The following ROR1 variants were observed in gnomAD, a reference collection of about 807,000 sequenced individuals.
ROR1 encodes the protein inactive tyrosine-protein kinase transmembrane receptor ROR1.
Under a neutral mutation model 78.8 loss-of-function variants are expected in ROR1, and 19 were observed. The observed-to-expected ratio is 0.24, with a 90% CI of 0.17 to 0.35. The LOEUF is 0.35. Among genes scored for constraint, ROR1 ranks in the 10% least tolerant of loss-of-function variants. ROR1 has a pLI of 1.00. For missense variants in ROR1, 917 were observed against 1,177.8 expected (o/e 0.78, Z 3.24); for synonymous variants, 386 against 433.6 (o/e 0.89, Z 1.36).
chr1:64,174,860 C>T (rs1328002882), intron 8 of ROR1, among the ~76,000 whole-genome samples: 1 of 152,142 alleles, frequency 6.6e-6, no homozygotes, highest in Non-Finnish European at 1.5e-5. Context: ...TTACCTTTCT[C>T]ATCACCCACA....
At chr1:64,075,766 A>G (rs1260770) in intron 4 of ROR1, among the ~76,000 whole-genome samples, 78,213 of 152,108 alleles carry the variant, frequency 0.51, 23,565 homozygotes, top group African/African-American at 0.84. Flanking sequence ...AAGTAATGCT[A>G]CACTCCACAC....
At chr1:63,811,888 T>C (rs1390497146) in intron 1 of ROR1, among the ~76,000 whole-genome samples, 2 of 152,040 alleles carry the variant, frequency 1.3e-5, no homozygotes, top group African/African-American at 2.4e-5. Flanking sequence ...CTTTGGGCTC[T>C]ATGTCCTTAG....
At chr1:63,805,873 G>A (rs1245058099) in intron 1 of ROR1, among the ~76,000 whole-genome samples, 2 of 152,138 alleles carry the variant, frequency 1.3e-5, no homozygotes, top group Non-Finnish European at 2.9e-5. Flanking sequence ...TAAAAAATTA[G>A]CCTGGTGCAG....
intron 1 of ROR1, among the ~76,000 whole-genome samples, chr1:63,826,073 A>G (rs1208404011): frequency 6.6e-6 from 1 of 152,196 alleles, no homozygotes; most frequent in Non-Finnish European, 1.5e-5. Flanking sequence ...GTAGGAGGCC[A>G]GGCACTGATT....
Position 64,140,309 on chromosome 1 carries a change from C to G in ROR1, c.811C>G (p.Pro271Ala). 6.2e-7 allele frequency: 1 copy of G among 1,614,112 alleles called. No homozygotes were observed. Among genetic ancestry groups the G allele is most frequent in the South Asian group, 1.1e-5 (1 of 91,066 alleles). Reference sequence around the variant, plus strand: ...AGAGTACATTTTTGCAAGATCAAATCCCATGATTCTGATGAGGCTGAAACT... The same window carrying G: ...AGAGTACATTTTTGCAAGATCAAATGCCATGATTCTGATGAGGCTGAAACT... ...QTEYIFARSNPMILMRLKLPN... is the reference protein window; with the variant it reads ...QTEYIFARSNAMILMRLKLPN... Residue 271 changes from proline to alanine, a missense_variant, in exon 6 of 9, where the codon CCC (proline) becomes GCC (alanine). Around this residue, in one of 3 missense-constraint regions of ROR1, gnomAD observed 835 missense variants for 1,069.8 expected, o/e 0.78. Transcript: ENST00000371079.
chr1:64,142,982 TG>T (rs775163994), intron 7 of ROR1: 39 of 1,109,954 alleles, frequency 3.5e-5, no homozygotes, highest in Non-Finnish European at 4.1e-5. Flanking sequence ...TGCGTCCAAG[TG>T]GACCTTTTCA....
At chr1:63,958,917 C>T (rs961402322) in intron 1 of ROR1, among the ~76,000 whole-genome samples, 4 of 152,172 alleles carry the variant, frequency 2.6e-5, no homozygotes, top group African/African-American at 9.7e-5. Context: ...ATGCCCACAT[C>T]TACCTGTACC....
At chr1:64,021,970 T>C (rs926641723) in intron 2 of ROR1, among the ~76,000 whole-genome samples, 1 of 152,154 alleles carries the variant, frequency 6.6e-6, no homozygotes, top group African/African-American at 2.4e-5. Context: ...TTACTCACAA[T>C]AGCCAAAAGA....
intron 2 of ROR1, among the ~76,000 whole-genome samples, chr1:64,022,792 G>A (rs915719150): frequency 6.6e-6 from 1 of 152,190 alleles, no homozygotes; most frequent in African/African-American, 2.4e-5. Flanking sequence ...AATTATCTCT[G>A]CTTACCAAGC....
intron 1 of ROR1, among the ~76,000 whole-genome samples, chr1:63,844,653 C>T (rs1290190550): frequency 6.6e-6 from 1 of 152,092 alleles, no homozygotes; most frequent in African/African-American, 2.4e-5. Context: ...CTGGGTAAAG[C>T]TGGGGCTGAG....
intron 1 of ROR1, among the ~76,000 whole-genome samples, chr1:63,828,281 A>G (rs1644967286): frequency 6.6e-6 from 1 of 152,346 alleles, no homozygotes; most frequent in East Asian, 1.9e-4. Context: ...AGAGCTGGGA[A>G]GCTTATAAAT....
At chr1:63,852,277 A>G (rs1422982281) in intron 1 of ROR1, among the ~76,000 whole-genome samples, 2 of 152,304 alleles carry the variant, frequency 1.3e-5, no homozygotes, top group East Asian at 3.9e-4. Context: ...GCCGGGGCAT[A>G]CATGTATGTG....
At chr1:63,883,915 G>T (rs1297448704) in intron 1 of ROR1, among the ~76,000 whole-genome samples, 4 of 152,192 alleles carry the variant, frequency 2.6e-5, no homozygotes, top group African/African-American at 9.6e-5. Flanking sequence ...AGAACACAGT[G>T]CATGTGCTGA....
intron 2 of ROR1, among the ~76,000 whole-genome samples, chr1:64,041,770 A>G (rs1013174151): frequency 6.6e-6 from 1 of 152,158 alleles, no homozygotes; most frequent in Non-Finnish European, 1.5e-5. Flanking sequence ...TTTCAAGAAA[A>G]TGTGTTCGGC....
At chr1:63,884,733 T>A (rs1341723793) in intron 1 of ROR1, among the ~76,000 whole-genome samples, 1 of 152,138 alleles carries the variant, frequency 6.6e-6, no homozygotes, top group African/African-American at 2.4e-5. Flanking sequence ...CAGGGGATTA[T>A]ACAAATTAAC....
At chr1:64,079,948 A>G (rs1647087439) in intron 4 of ROR1, among the ~76,000 whole-genome samples, 1 of 152,152 alleles carries the variant, frequency 6.6e-6, no homozygotes, top group Non-Finnish European at 1.5e-5. Flanking sequence ...TGTGTATATA[A>G]TACTTACTAT....
intron 1 of ROR1, among the ~76,000 whole-genome samples, chr1:63,942,870 A>C (rs543055287): frequency 1.3e-5 from 2 of 152,258 alleles, no homozygotes; most frequent in East Asian, 3.9e-4. Context: ...CCAGAAGATC[A>C]TATGAGCCCA....
chr1:63,814,934 C>G (rs1644881224), intron 1 of ROR1, among the ~76,000 whole-genome samples: 1 of 152,316 alleles, frequency 6.6e-6, no homozygotes, highest in East Asian at 1.9e-4. Flanking sequence ...TGGAGTGTCT[C>G]TATTCCCCTC....
intron 4 of ROR1, among the ~76,000 whole-genome samples, chr1:64,125,251 C>T (rs1285131663): frequency 1.3e-5 from 2 of 152,068 alleles, no homozygotes; most frequent in African/African-American, 2.4e-5. Context: ...CGAACAATGA[C>T]AAAGAAAAAC....
Sources: allele counts gnomAD v4.1 joint callset (sites outside exome capture counted in the v4.1 genomes callset), GRCh38; gene constraint gnomAD v4.1.1; regional missense constraint gnomAD v4.1.1; transcripts MANE v1.5; gene names NCBI Gene and HGNC (gene_info 2026-07-23, HGNC 2026-07-21).